SPMIP2: variants seen among roughly 807,000 people sequenced by gnomAD.
The protein encoded by SPMIP2 is protein SPMIP2.
the SPMIP2 span, among the ~76,000 whole-genome samples, chr4:158,983,255 G>A: frequency 2.6e-5 from 4 of 152,176 alleles, no homozygotes; most frequent in Middle Eastern, 3.4e-3. Flanking sequence ...TTATCCAGGA[G>A]AACTTCCCCA....
the SPMIP2 span, among the ~76,000 whole-genome samples, chr4:158,985,033 AAG>A: frequency 6.6e-6 from 1 of 151,432 alleles, no homozygotes; most frequent in Non-Finnish European, 1.5e-5. Flanking sequence ...GAAAATCTAG[AAG>A]AAATGGATAA....
chr4:159,025,041 G>A, the SPMIP2 span, among the ~76,000 whole-genome samples: 3 of 152,184 alleles, frequency 2.0e-5, no homozygotes, highest in African/African-American at 7.2e-5. Flanking sequence ...AGACACAGAA[G>A]GGTAAGTATC....
the SPMIP2 span, among the ~76,000 whole-genome samples, chr4:159,072,385 T>C: frequency 1.3e-5 from 2 of 152,118 alleles, no homozygotes; most frequent in Non-Finnish European, 2.9e-5. Context: ...ATGTCTCCTT[T>C]GTGTTTATTT....
At chr4:159,050,204 ATTTTT>A in the SPMIP2 span, among the ~76,000 whole-genome samples, 4 of 114,506 alleles carry the variant, frequency 3.5e-5, no homozygotes, top group African/African-American at 1.3e-4. Flanking sequence ...CCACCACTGT[ATTTTT>A]TTTTTTTTTT....
At chr4:159,065,739 T>C in the SPMIP2 span, among the ~76,000 whole-genome samples, 1 of 152,210 alleles carries the variant, frequency 6.6e-6, no homozygotes, top group Non-Finnish European at 1.5e-5. Context: ...CATACAGTTC[T>C]TTCCTTCCTT....
the SPMIP2 span, among the ~76,000 whole-genome samples, chr4:158,928,665 G>A: frequency 2.5e-3 from 384 of 152,210 alleles, 3 homozygotes; most frequent in African/African-American, 8.7e-3. Flanking sequence ...CAACCCGCTC[G>A]GGTACCCTTC....
the SPMIP2 span, among the ~76,000 whole-genome samples, chr4:159,044,104 A>T: frequency 1.3e-5 from 2 of 152,134 alleles, no homozygotes; most frequent in Non-Finnish European, 2.9e-5. Flanking sequence ...CTTGTTGTAT[A>T]TTTTATCAAG....
the SPMIP2 span, among the ~76,000 whole-genome samples, chr4:158,986,189 C>T: frequency 5.9e-5 from 9 of 151,568 alleles, no homozygotes; most frequent in East Asian, 1.9e-4. Flanking sequence ...GAATCAATAT[C>T]GTGAAAATGG....
the SPMIP2 span, among the ~76,000 whole-genome samples, chr4:158,898,908 C>G: frequency 1.3e-5 from 2 of 152,184 alleles, no homozygotes; most frequent in Non-Finnish European, 2.9e-5. Context: ...AGAGAGCATC[C>G]TTGTCTTGTG....
chr4:159,046,534 T>G, the SPMIP2 span, among the ~76,000 whole-genome samples: 8 of 152,128 alleles, frequency 5.3e-5, no homozygotes, highest in Non-Finnish European at 1.0e-4. Flanking sequence ...AGTTTTGGTG[T>G]TTTTTTGTTT....
the SPMIP2 span, among the ~76,000 whole-genome samples, chr4:158,968,094 A>C: frequency 6.6e-6 from 1 of 152,168 alleles, no homozygotes; most frequent in Admixed American, 6.5e-5. Flanking sequence ...CAGTGGCGCG[A>C]TCTTAGCTCA....
the SPMIP2 span, among the ~76,000 whole-genome samples, chr4:158,940,313 A>G: frequency 2.6e-5 from 4 of 152,204 alleles, no homozygotes; most frequent in African/African-American, 9.7e-5. Flanking sequence ...TAAAGGCCCT[A>G]TCTCCATATA....
the SPMIP2 span, among the ~76,000 whole-genome samples, chr4:158,929,808 AAG>A: frequency 6.6e-6 from 1 of 152,336 alleles, no homozygotes; most frequent in East Asian, 1.9e-4. Context: ...CATAGGAGAA[AAG>A]AGAAGTTACA....
At chr4:158,909,418 G>GTGAAA in the SPMIP2 span, 1 of 151,906 alleles carries the variant, frequency 6.6e-6, no homozygotes, top group African/African-American at 2.4e-5. Context: ...GTGTACTCGG[G>GTGAAA]TGAAACAGCT....
chr4:158,960,526 A>T, the SPMIP2 span, among the ~76,000 whole-genome samples: 1 of 152,146 alleles, frequency 6.6e-6, no homozygotes, highest in Non-Finnish European at 1.5e-5. Context: ...AGAGGAAAAA[A>T]GTACAAGAAG....
the SPMIP2 span, among the ~76,000 whole-genome samples, chr4:159,029,791 T>C: frequency 6.6e-6 from 1 of 152,246 alleles, no homozygotes; most frequent in African/African-American, 2.4e-5. Flanking sequence ...CAATAGATTA[T>C]AAGCTTCTAG....
chr4:159,033,852 A>G, the SPMIP2 span, among the ~76,000 whole-genome samples: 1 of 152,216 alleles, frequency 6.6e-6, no homozygotes, highest in African/African-American at 2.4e-5. Flanking sequence ...TTGGAAAAAA[A>G]GAAAAAAAGG....
At chr4:159,053,763 T>C in the SPMIP2 span, among the ~76,000 whole-genome samples, 1 of 152,126 alleles carries the variant, frequency 6.6e-6, no homozygotes, top group African/African-American at 2.4e-5. Context: ...CTTCTTTCTT[T>C]CCTCTTCTTT....
chr4:159,041,762 A>G, the SPMIP2 span, among the ~76,000 whole-genome samples: 31 of 152,342 alleles, frequency 2.0e-4, no homozygotes, highest in East Asian at 5.8e-3. Flanking sequence ...TTTTTCACTG[A>G]TCAATGAACA....
Sources: allele counts gnomAD v4.1 joint callset (sites outside exome capture counted in the v4.1 genomes callset), GRCh38; gene constraint gnomAD v4.1.1; transcripts MANE v1.5; gene names NCBI Gene and HGNC (gene_info 2026-07-23, HGNC 2026-07-21).